Variants in DLGAP2 observed in about 807,000 individuals in gnomAD.
DLGAP2 encodes the protein disks large-associated protein 2.
A neutral mutation model predicts 100.3 loss-of-function variants in DLGAP2; 26 were observed. The observed-to-expected ratio is 0.26, with a 90% CI of 0.19 to 0.36. The LOEUF (loss-of-function observed/expected upper bound fraction) is 0.36, where lower values mean the gene tolerates loss of function less well. Ranked by LOEUF, DLGAP2 falls within the 10% of genes least tolerant of loss-of-function variation. DLGAP2 has a pLI of 1.00. For synonymous variants in DLGAP2, 886 were observed against 630.1 expected, an observed-to-expected ratio of 1.41 and a Z score of -6.08; for missense variants, 1,858 against 1,453.2, an observed-to-expected ratio of 1.28 and a Z score of -4.53.
chr8:1,359,293 C>A (rs147614054), intron 3 of DLGAP2, among the ~76,000 whole-genome samples: 2 of 152,230 alleles, frequency 1.3e-5, no homozygotes, highest in Non-Finnish European at 2.9e-5. Flanking sequence ...TGTCCTCAGG[C>A]GGTCCATGCG....
At chr8:1,173,362 C>T (rs570773802) in intron 2 of DLGAP2, among the ~76,000 whole-genome samples, 15 of 152,296 alleles carry the variant, frequency 9.8e-5, no homozygotes, top group East Asian at 1.9e-4. Flanking sequence ...GCAGTCTGCC[C>T]GTTCTCAGAT....
intron 3 of DLGAP2, among the ~76,000 whole-genome samples, chr8:1,465,149 C>G (rs1798589200): frequency 6.6e-6 from 1 of 152,216 alleles, no homozygotes; most frequent in African/African-American, 2.4e-5. Context: ...CCAAGACCAC[C>G]CACGACTTTG....
chr8:1,465,220 AG>A (rs1223874017), intron 3 of DLGAP2, among the ~76,000 whole-genome samples: 1 of 152,248 alleles, frequency 6.6e-6, no homozygotes, highest in Non-Finnish European at 1.5e-5. Flanking sequence ...GGCTCCTGCA[AG>A]CCCCCCACAC....
intron 2 of DLGAP2, among the ~76,000 whole-genome samples, chr8:1,167,343 G>A (rs780898557): frequency 6.6e-6 from 1 of 152,180 alleles, no homozygotes; most frequent in Non-Finnish European, 1.5e-5. Flanking sequence ...ACACACTGCA[G>A]GGCAGACCAG....
intron 2 of DLGAP2, among the ~76,000 whole-genome samples, chr8:977,952 A>T (rs1273392248): frequency 1.2e-5 from 1 of 81,680 alleles, no homozygotes; most frequent in Non-Finnish European, 2.5e-5. Context: ...TCGGGGATGC[A>T]GTGAGGAGCT....
At chr8:1,653,964 T>A (rs1798225075) in intron 8 of DLGAP2, among the ~76,000 whole-genome samples, 1 of 152,184 alleles carries the variant, frequency 6.6e-6, no homozygotes, top group South Asian at 2.1e-4. Context: ...CACTTCCTTA[T>A]CCTTAGAAAG....
chr8:889,171 C>T (rs1026494705), intron 1 of DLGAP2, among the ~76,000 whole-genome samples: 1 of 152,136 alleles, frequency 6.6e-6, no homozygotes, highest in Non-Finnish European at 1.5e-5. Context: ...AGGAACAGGC[C>T]ATTTTCACTT....
intron 3 of DLGAP2, among the ~76,000 whole-genome samples, chr8:1,447,686 G>T (rs1437125269): frequency 6.6e-6 from 1 of 152,188 alleles, no homozygotes; most frequent in Non-Finnish European, 1.5e-5. Context: ...TGTGCCTCTG[G>T]TAGAATTCGG....
chr8:1,687,072 G>A (rs2130869597), intron 12 of DLGAP2, among the ~76,000 whole-genome samples: 1 of 152,266 alleles, frequency 6.6e-6, no homozygotes, highest in South Asian at 2.1e-4. Context: ...ATCTTGAAAG[G>A]AGATTTCTGG....
chr8:1,320,732 G>A (rs1800877014), intron 3 of DLGAP2, among the ~76,000 whole-genome samples: 1 of 152,166 alleles, frequency 6.6e-6, no homozygotes, highest in African/African-American at 2.4e-5. Flanking sequence ...CCCAGTCATG[G>A]CCAGACCTCT....
intron 2 of DLGAP2, among the ~76,000 whole-genome samples, chr8:1,004,067 T>G (rs961480551): frequency 2.6e-5 from 4 of 152,234 alleles, no homozygotes; most frequent in Non-Finnish European, 5.9e-5. Context: ...AGGACAGAAG[T>G]GACATTTGGA....
rs538535286 is a variant in DLGAP2, at chr8:1,235,438, T to G, written c.74-23413T>G. Among the ~76,000 whole-genome samples, 104 of 151,906 alleles carry G rather than the reference T, an allele frequency of 6.8e-4. 1 individual carries two copies. Among genetic ancestry groups the G allele is most frequent in the Middle Eastern group, 6.8e-3 (2 of 292 alleles). On this transcript the variant is annotated intron_variant, in intron 2 of 14. Transcript: ENST00000637795. ...GCATCGTGTCTAGTTCCCTCACACA[T>G]GGCGTCGTGTCTAGTTCCCTCTCAC... is the stretch of plus-strand genomic sequence containing the variant.
intron 6 of DLGAP2, among the ~76,000 whole-genome samples, chr8:1,623,603 C>G (rs1797412306): frequency 1.3e-5 from 2 of 151,568 alleles, no homozygotes; most frequent in South Asian, 4.2e-4. Flanking sequence ...TGACCTGGCA[C>G]CAGTGTGCGA....
intron 5 of DLGAP2, among the ~76,000 whole-genome samples, 155 bp downstream of exon 5, chr8:1,549,838 A>G (rs1001330597): frequency 6.6e-6 from 1 of 152,184 alleles, no homozygotes; most frequent in East Asian, 1.9e-4. Flanking sequence ...AGCTCCACTG[A>G]GCTGTTAACA....
At chr8:1,275,727 T>TAA (rs1400247456) in intron 3 of DLGAP2, among the ~76,000 whole-genome samples, 30 of 135,568 alleles carry the variant, frequency 2.2e-4, no homozygotes, top group Admixed American at 6.0e-4. Context: ...TATATATATA[T>TAA]AAAATATATG....
intron 2 of DLGAP2, among the ~76,000 whole-genome samples, chr8:1,183,484 G>A (rs75103534): frequency 0.036 from 5,511 of 152,274 alleles, 375 homozygotes; most frequent in African/African-American, 0.13. Context: ...ATGTTTACTT[G>A]TCAGGAAGGG....
intron 2 of DLGAP2, among the ~76,000 whole-genome samples, chr8:1,051,778 C>T (rs2129033040): frequency 6.6e-6 from 1 of 152,168 alleles, no homozygotes; most frequent in African/African-American, 2.4e-5. Flanking sequence ...CTGTCTCATG[C>T]CTGCTCAGTC....
chr8:1,162,803 C>T (rs956242003), intron 2 of DLGAP2, among the ~76,000 whole-genome samples: 1 of 152,206 alleles, frequency 6.6e-6, no homozygotes, highest in Non-Finnish European at 1.5e-5. Context: ...GGCCGCCAAA[C>T]GGCCCAGTTC....
chr8:1,173,717 T>A (rs1038751692), intron 2 of DLGAP2, among the ~76,000 whole-genome samples: 2 of 152,188 alleles, frequency 1.3e-5, no homozygotes, highest in African/African-American at 4.8e-5. Context: ...GTGCGCCATT[T>A]TTTAAGCCCA....
Sources: gnomAD v4.1 joint callset for allele counts (sites outside exome capture counted in the v4.1 genomes callset) on GRCh38, gnomAD v4.1.1 for gene constraint, MANE v1.5 for transcripts, NCBI Gene and HGNC (gene_info 2026-07-23, HGNC 2026-07-21) for gene names.